Variants in LRRC4C observed in about 807,000 individuals in gnomAD.
LRRC4C encodes leucine-rich repeat-containing protein 4C.
Under a neutral mutation model 33.6 loss-of-function variants are expected in LRRC4C, and 5 were observed. The ratio of observed to expected loss-of-function variants is 0.15; its 90% CI spans 0.08 to 0.31. LRRC4C has a LOEUF of 0.31. Among genes scored for constraint, LRRC4C ranks in the 10% least tolerant of loss-of-function variants. The pLI, the probability that LRRC4C is intolerant of heterozygous loss-of-function variation, is 1.00. For synonymous variants in LRRC4C, 329 were observed against 302.0 expected (o/e 1.09, Z -0.93); for missense variants, 560 against 796.7 (o/e 0.70, Z 3.58).
chr11:41,286,204 C>T (rs1949823454), intron 1 of LRRC4C, among the ~76,000 whole-genome samples: 1 of 152,164 alleles, frequency 6.6e-6, no homozygotes, highest in Non-Finnish European at 1.5e-5. Context: ...TGGATTCATA[C>T]TTTATTTTTC....
At chr11:40,395,650 G>A (rs975255140) in intron 3 of LRRC4C, among the ~76,000 whole-genome samples, 1 of 152,048 alleles carries the variant, frequency 6.6e-6, no homozygotes, top group Non-Finnish European at 1.5e-5. Flanking sequence ...TTTTTTGTGT[G>A]TGCTATTCAA....
chr11:40,214,391 T>A (rs771271531), intron 5 of LRRC4C, among the ~76,000 whole-genome samples: 2 of 152,142 alleles, frequency 1.3e-5, no homozygotes, highest in African/African-American at 4.8e-5. Context: ...ATTACATATT[T>A]CTTTTTAAGA....
chr11:40,170,967 T>C (rs930798697), intron 5 of LRRC4C, among the ~76,000 whole-genome samples: 2 of 152,158 alleles, frequency 1.3e-5, no homozygotes, highest in Non-Finnish European at 2.9e-5. Flanking sequence ...GCATATAATA[T>C]GTAGCGAGGA....
At chr11:40,642,443 T>A (rs1269571603) in intron 3 of LRRC4C, among the ~76,000 whole-genome samples, 1 of 152,154 alleles carries the variant, frequency 6.6e-6, no homozygotes, top group Non-Finnish European at 1.5e-5. Flanking sequence ...CTCTGTTAAC[T>A]CCCATAGCAA....
chr11:40,499,230 G>T (rs552143920), intron 3 of LRRC4C, among the ~76,000 whole-genome samples: 2 of 152,066 alleles, frequency 1.3e-5, no homozygotes, highest in African/African-American at 4.8e-5. Flanking sequence ...AGCATGTCTC[G>T]GCTGTGCTGT....
chr11:40,754,708 T>A (rs1728762862), intron 2 of LRRC4C, among the ~76,000 whole-genome samples: 1 of 152,110 alleles, frequency 6.6e-6, no homozygotes, highest in Admixed American at 6.5e-5. Context: ...ATCTTAAGAG[T>A]CATTTTTAAT....
intron 1 of LRRC4C, among the ~76,000 whole-genome samples, chr11:41,179,515 C>T (rs1945353022): frequency 6.6e-6 from 1 of 152,194 alleles, no homozygotes; most frequent in African/African-American, 2.4e-5. Flanking sequence ...TTCACCCCAA[C>T]AACAGTTATA....
intron 1 of LRRC4C, among the ~76,000 whole-genome samples, chr11:41,051,212 A>G (rs1441624943): frequency 6.6e-6 from 1 of 152,204 alleles, no homozygotes; most frequent in Non-Finnish European, 1.5e-5. Context: ...TCTCTTTAAA[A>G]GCTAACACTT....
intron 2 of LRRC4C, among the ~76,000 whole-genome samples, chr11:40,753,116 T>C (rs1948778728): frequency 6.6e-6 from 1 of 151,976 alleles, no homozygotes; most frequent in Admixed American, 6.6e-5. Context: ...GAATATTATA[T>C]ATATATCAGA....
chr11:40,665,363 T>TATATAC (rs1943740816), intron 2 of LRRC4C, among the ~76,000 whole-genome samples: 1 of 13,982 alleles, frequency 7.2e-5, no homozygotes, highest in Non-Finnish European at 1.6e-4. Flanking sequence ...TATATATATA[T>TATATAC]GTATATATAT....
At chr11:40,473,749 G>A (rs919928229) in intron 3 of LRRC4C, among the ~76,000 whole-genome samples, 3 of 152,194 alleles carry the variant, frequency 2.0e-5, no homozygotes, top group African/African-American at 2.4e-5. Context: ...AGCAACTTCA[G>A]CAAAGTCTCA....
chr11:40,648,802 G>C (rs912389944), intron 2 of LRRC4C, among the ~76,000 whole-genome samples: 6 of 152,126 alleles, frequency 3.9e-5, no homozygotes, highest in African/African-American at 1.4e-4. Flanking sequence ...TTTCAGCGTA[G>C]GTTCTTTCTA....
At chr11:40,476,261 G>A (rs1203363138) in intron 3 of LRRC4C, among the ~76,000 whole-genome samples, 2 of 151,564 alleles carry the variant, frequency 1.3e-5, no homozygotes, top group African/African-American at 4.9e-5. Context: ...ATTATTTGAG[G>A]TTCTGCTACT....
At chr11:41,448,304 C>CTT (rs35728528) in intron 1 of LRRC4C, among the ~76,000 whole-genome samples, 1,250 of 104,918 alleles carry the variant, frequency 0.012, 45 homozygotes, top group African/African-American at 0.04. Flanking sequence ...TTACATAGAG[C>CTT]TTTTTTTTTT....
At chr11:40,844,886 G>A (rs745588518) in intron 2 of LRRC4C, among the ~76,000 whole-genome samples, 2 of 152,058 alleles carry the variant, frequency 1.3e-5, no homozygotes, top group Non-Finnish European at 2.9e-5. Flanking sequence ...ATGTGATAAT[G>A]TATGTGTTAA....
At chr11:40,352,266 T>A (rs1947446285) in intron 3 of LRRC4C, among the ~76,000 whole-genome samples, 1 of 151,868 alleles carries the variant, frequency 6.6e-6, no homozygotes, top group African/African-American at 2.4e-5. Flanking sequence ...TGTAGGTTTT[T>A]TAAATTTGAT....
At chr11:40,881,893 G>T (rs768055600) in intron 2 of LRRC4C, among the ~76,000 whole-genome samples, 1 of 152,080 alleles carries the variant, frequency 6.6e-6, no homozygotes, top group Middle Eastern at 3.4e-3. Context: ...GAGCAAGGCA[G>T]GTACTCTTCT....
rs372409597 is a variant in LRRC4C, at chr11:40,522,320, G to C, written c.-270+125822C>G. ...GCTGGAATTATAGGCGTGAGCCCTG[G>C]CGCCTGGCCAGAAGATGAAAAAGTT... On this transcript the variant is annotated intron_variant, in intron 3 of 6. Coordinates refer to ENST00000528697, the MANE Select transcript of LRRC4C (RefSeq NM_001258419.2). Among the ~76,000 whole-genome samples, 47 of 152,334 alleles carry C rather than the reference G, an allele frequency of 3.1e-4. No homozygotes were observed. In the South Asian group the frequency reaches 9.7e-3, roughly 32 times the overall value.
intron 3 of LRRC4C, among the ~76,000 whole-genome samples, chr11:40,370,547 G>C (rs75581490): frequency 1.3e-5 from 2 of 152,086 alleles, no homozygotes; most frequent in African/African-American, 2.4e-5. Flanking sequence ...TGTATGCACT[G>C]AGAATAGCAA....
Sources: gnomAD v4.1 joint callset for allele counts (sites outside exome capture counted in the v4.1 genomes callset) on GRCh38, gnomAD v4.1.1 for gene constraint, MANE v1.5 for transcripts, NCBI Gene and HGNC (gene_info 2026-07-23, HGNC 2026-07-21) for gene names.